The following EXT1 variants were observed in gnomAD, a reference collection of about 807,000 sequenced individuals.
EXT1 encodes the protein exostosin-1.
EXT1 carries 20 observed loss-of-function variants against 82.5 expected under a neutral mutation model. That is an observed-to-expected ratio of 0.24 (90% CI 0.17 to 0.35). The LOEUF (loss-of-function observed/expected upper bound fraction) is 0.35, where lower values mean the gene tolerates loss of function less well. Among genes scored for constraint, EXT1 ranks in the 10% least tolerant of loss-of-function variants. The pLI is 1.00. For synonymous variants in EXT1, 348 were observed against 350.8 expected, an observed-to-expected ratio of 0.99 and a Z score of 0.09; for missense variants, 757 against 936.5, an observed-to-expected ratio of 0.81 and a Z score of 2.50.
intron 1 of EXT1, among the ~76,000 whole-genome samples, chr8:117,845,374 T>C (rs1288563029): frequency 2.0e-5 from 3 of 152,140 alleles, no homozygotes; most frequent in Non-Finnish European, 2.9e-5. Flanking sequence ...CCCCCATCCT[T>C]AGGTTAAATG....
chr8:117,897,182 G>A (rs1198056451), intron 1 of EXT1, among the ~76,000 whole-genome samples: 2 of 152,206 alleles, frequency 1.3e-5, no homozygotes, highest in South Asian at 4.1e-4. Context: ...CATACTAGCT[G>A]CATGTGGCTT....
Position 118,041,085 on chromosome 8 carries a change from T to C in EXT1, c.962+69000A>G, listed in dbSNP as rs1234688257. ...CCACTTTTAAACATTACCTAATTTA[T>C]TATAAAATTTTTATCCACAACAAAG... On this transcript the variant is annotated intron_variant, in intron 1 of 10. Coordinates refer to ENST00000378204, the MANE Select transcript of EXT1 (RefSeq NM_000127.3). Among the ~76,000 whole-genome samples the C allele has an allele frequency of 3.9e-5, 6 of 152,206 alleles. No individual in the cohort carries two copies. The East Asian group carries it at 1.2e-3, about 29-fold the overall frequency.
chr8:117,810,519 T>C (rs755318083), intron 8 of EXT1, among the ~76,000 whole-genome samples: 1 of 152,196 alleles, frequency 6.6e-6, no homozygotes, highest in Non-Finnish European at 1.5e-5. Flanking sequence ...GAAAAGAAAT[T>C]CACCAGCATG....
At chr8:117,931,981 G>A (rs1270664104) in intron 1 of EXT1, among the ~76,000 whole-genome samples, 2 of 152,138 alleles carry the variant, frequency 1.3e-5, no homozygotes, top group Non-Finnish European at 2.9e-5. Flanking sequence ...TAAGTCAAGT[G>A]AATGCATTTA....
chr8:117,931,119 AC>A (rs1249031984), intron 1 of EXT1, among the ~76,000 whole-genome samples: 4 of 152,202 alleles, frequency 2.6e-5, no homozygotes, highest in Non-Finnish European at 4.4e-5. Context: ...TCAAGAAATA[AC>A]CATAAAAATA....
chr8:117,941,191 C>G (rs902131445), intron 1 of EXT1, among the ~76,000 whole-genome samples: 2 of 152,190 alleles, frequency 1.3e-5, no homozygotes, highest in African/African-American at 2.4e-5. Context: ...GGAGCAGCAA[C>G]CAAAGTAGGG....
intron 1 of EXT1, among the ~76,000 whole-genome samples, chr8:118,109,244 C>G (rs1015933917): frequency 1.3e-5 from 2 of 152,000 alleles, no homozygotes; most frequent in Non-Finnish European, 2.9e-5. Flanking sequence ...GGAGGCATCT[C>G]ACACCCATTC....
chr8:117,880,543 G>A (rs1490886024), intron 1 of EXT1, among the ~76,000 whole-genome samples: 2 of 151,642 alleles, frequency 1.3e-5, no homozygotes, highest in South Asian at 2.1e-4. Context: ...AGTAACCAAT[G>A]AGTCACCAGA....
At chr8:117,932,059 A>G (rs1021147131) in intron 1 of EXT1, among the ~76,000 whole-genome samples, 3 of 152,236 alleles carry the variant, frequency 2.0e-5, no homozygotes, top group African/African-American at 7.2e-5. Context: ...AGCAATTTAA[A>G]TTATTTCAAT....
At position 117,837,104 on chromosome 8, in the gene EXT1, T is replaced by C. The variant is rs1264878402; in HGVS notation, c.1056+4A>G. ...TATTCTGGGAAGGCTCCAGGGCCTC[T>C]TACCTGCAAAGCCTCCAGGAATCTG... On this transcript the variant is annotated splice_donor_region_variant and intron_variant, in intron 2 of 10. Coordinates refer to ENST00000378204, the MANE Select transcript of EXT1 (RefSeq NM_000127.3). 1 of 1,613,076 alleles carries C rather than the reference T, an allele frequency of 6.2e-7. No homozygotes were observed. Among genetic ancestry groups the C allele is most frequent in the South Asian group, 1.1e-5 (1 of 91,046 alleles).
rs1361550108 is a variant in EXT1 at position 117,812,891 on chromosome 8, G to A, written c.1703C>T (p.Thr568Met). ...TCTTACCTCTGTTGTTGAAAGCACC[G>A]TGTCCTCGTCAAGGCTGAGCACGGC... The part of the protein sequence containing the change: ...TDAVLSLDED[T>M]VLSTTEVDFA... The change falls in exon 8 of 11, where the codon ACG (threonine) becomes ATG (methionine). Residue 568 changes from threonine (T) to methionine (M), a missense_variant. This residue lies in a region of EXT1 where 207 missense variants were observed against 224.2 expected (regional missense o/e 0.92). Transcript: ENST00000378204. 4 of 1,614,038 alleles carry A rather than the reference G, an allele frequency of 2.5e-6. No homozygotes were observed. The highest frequency in any genetic ancestry group is 3.4e-6 in the Non-Finnish European group (4 of 1,179,994).
At chr8:117,973,894 G>C (rs1358678132) in intron 1 of EXT1, among the ~76,000 whole-genome samples, 2 of 130,708 alleles carry the variant, frequency 1.5e-5, no homozygotes, top group Non-Finnish European at 3.2e-5. Context: ...AGGAAGGAAA[G>C]GAAAGAAAAG....
chr8:117,846,702 C>A (rs567341130), intron 1 of EXT1, among the ~76,000 whole-genome samples: 3 of 152,108 alleles, frequency 2.0e-5, no homozygotes, highest in Non-Finnish European at 4.4e-5. Context: ...CATTAACTAC[C>A]TTTCGCCAGG....
At chr8:117,954,905 A>G (rs1814558455) in intron 1 of EXT1, among the ~76,000 whole-genome samples, 1 of 152,216 alleles carries the variant, frequency 6.6e-6, no homozygotes, top group Non-Finnish European at 1.5e-5. Flanking sequence ...ACCACAGGTT[A>G]GGGGCTCAGA....
intron 1 of EXT1, among the ~76,000 whole-genome samples, chr8:118,109,540 A>G (rs1025869289): frequency 7.9e-5 from 12 of 152,166 alleles, no homozygotes; most frequent in African/African-American, 2.9e-4. Flanking sequence ...GGAAAGGGCC[A>G]CACAAAGTTC....
At chr8:118,009,311 T>C (rs945375054) in intron 1 of EXT1, among the ~76,000 whole-genome samples, 8 of 152,212 alleles carry the variant, frequency 5.3e-5, no homozygotes, top group Non-Finnish European at 1.0e-4. Flanking sequence ...ATTTCCCAGA[T>C]TACTTCAGTC....
intron 1 of EXT1, among the ~76,000 whole-genome samples, chr8:118,000,047 T>G (rs1482129871): frequency 6.6e-6 from 1 of 152,170 alleles, no homozygotes; most frequent in Non-Finnish European, 1.5e-5. Context: ...AGTTTATTTT[T>G]TCCTGAATAC....
intron 1 of EXT1, among the ~76,000 whole-genome samples, chr8:117,847,040 G>A (rs1587008551): frequency 6.6e-6 from 1 of 152,026 alleles, no homozygotes; most frequent in Admixed American, 6.6e-5. Flanking sequence ...CCTGGATTCC[G>A]GGACACAGGA....
At chr8:117,978,066 A>T (rs1422778461) in intron 1 of EXT1, among the ~76,000 whole-genome samples, 2 of 152,232 alleles carry the variant, frequency 1.3e-5, no homozygotes, top group African/African-American at 4.8e-5. Context: ...ATTTGAAAGA[A>T]GGCAATGGAA....
Sources: gnomAD v4.1 joint callset for allele counts (sites outside exome capture counted in the v4.1 genomes callset) on GRCh38, gnomAD v4.1.1 for gene constraint, gnomAD v4.1.1 regional missense constraint, MANE v1.5 for transcripts, NCBI Gene and HGNC (gene_info 2026-07-23, HGNC 2026-07-21) for gene names.